ARHGEF10: variants seen among roughly 807,000 people sequenced by gnomAD.
ARHGEF10 encodes Rho guanine nucleotide exchange factor 10, also known as Rho guanine nucleotide exchange factor (GEF) 10.
In ARHGEF10, 140 loss-of-function variants were observed where a neutral mutation model predicts 147.4. The observed-to-expected ratio is 0.95, with a 90% CI of 0.83 to 1.09. The LOEUF (loss-of-function observed/expected upper bound fraction) is 1.09, where lower values mean the gene tolerates loss of function less well. Among genes scored for constraint, ARHGEF10 ranks in the 50% least tolerant of loss-of-function variants. The probability of loss-of-function intolerance (pLI) is 0.00; values close to 1 mark genes in which losing one functional copy is unlikely to be tolerated. For missense variants in ARHGEF10, 2,222 were observed against 1,752.7 expected (o/e 1.27, Z -4.78); for synonymous variants, 902 against 695.8 (o/e 1.30, Z -4.67).
intron 1 of ARHGEF10, among the ~76,000 whole-genome samples, chr8:1,832,337 G>C (rs1399504073): frequency 6.6e-6 from 1 of 151,368 alleles, no homozygotes; most frequent in African/African-American, 2.4e-5. Flanking sequence ...CAGAGACAGA[G>C]GGAGAGAGAG....
At chr8:1,920,276 G>C (rs1382383735) in intron 18 of ARHGEF10, among the ~76,000 whole-genome samples, 1 of 152,222 alleles carries the variant, frequency 6.6e-6, no homozygotes, top group African/African-American at 2.4e-5. Context: ...TTTAAAAGAA[G>C]TCAACTAATT....
At chr8:1,943,997 C>T (rs948213260) in intron 26 of ARHGEF10, 1 of 151,464 alleles carries the variant, frequency 6.6e-6, no homozygotes, top group Non-Finnish European at 1.5e-5. Flanking sequence ...GCTCAAGACC[C>T]ACAGTGATGG....
intron 2 of ARHGEF10, among the ~76,000 whole-genome samples, chr8:1,850,583 C>T (rs1357396670): frequency 6.6e-6 from 1 of 151,120 alleles, no homozygotes; most frequent in Non-Finnish European, 1.5e-5. Context: ...TGAGGAGGGC[C>T]GGGTGCTGGC....
Position 1,824,043 on chromosome 8 carries a change from G to T in ARHGEF10, c.-118G>T, listed in dbSNP as rs1802584228. On this transcript the variant is annotated 5_prime_UTR_variant, in exon 1 of 29. Coordinates refer to ENST00000349830, the MANE Select transcript of ARHGEF10 (RefSeq NM_014629.4). ...CGGCGGGGGACGGCGGGGAACAGCG[G>T]GGGACGGCGGGGAACAGCGGGGGAC... The T allele has an allele frequency of 6.8e-6, 1 of 147,990 alleles. No homozygotes were observed. The highest frequency in any genetic ancestry group is 2.5e-5 in the African/African-American group (1 of 40,478). 9.2% of individuals were successfully genotyped at this position (147,990 alleles called of 1,614,324 possible).
intron 1 of ARHGEF10, among the ~76,000 whole-genome samples, chr8:1,842,216 C>T (rs1804150594): frequency 6.6e-6 from 1 of 151,808 alleles, no homozygotes; most frequent in Non-Finnish European, 1.5e-5. Flanking sequence ...GGCAGAAGGG[C>T]GGGCACTGGG....
chr8:1,945,006 T>G (rs1585638221), intron 26 of ARHGEF10, among the ~76,000 whole-genome samples: 1 of 152,224 alleles, frequency 6.6e-6, no homozygotes, highest in South Asian at 2.1e-4. Context: ...AAGGACCAAG[T>G]TGCTTGGAGA....
intron 5 of ARHGEF10, among the ~76,000 whole-genome samples, chr8:1,865,071 A>T (rs531859106): frequency 2.0e-5 from 3 of 152,384 alleles, no homozygotes; most frequent in Non-Finnish European, 2.9e-5. Context: ...TCAAACATAG[A>T]AATAGTTATG....
chr8:1,842,027 G>GTCC (rs1804123650), intron 1 of ARHGEF10, among the ~76,000 whole-genome samples: 2 of 115,886 alleles, frequency 1.7e-5, no homozygotes, highest in Non-Finnish European at 3.6e-5. Context: ...CGGGAACTGG[G>GTCC]GCCGCGGCGG....
chr8:1,872,990 C>G (rs773454691), intron 7 of ARHGEF10, among the ~76,000 whole-genome samples: 18 of 152,190 alleles, frequency 1.2e-4, no homozygotes, highest in Non-Finnish European at 2.6e-4. Context: ...TTTATCCGGT[C>G]GCTTCGGGCA....
chr8:1,906,751 C>T (rs17064354), intron 17 of ARHGEF10, among the ~76,000 whole-genome samples: 5,920 of 152,248 alleles, frequency 0.039, 373 homozygotes, highest in African/African-American at 0.13. Context: ...GCCAGTGGTA[C>T]GCTCTTGCGG....
At chr8:1,907,172 A>G (rs1378778246) in intron 17 of ARHGEF10, among the ~76,000 whole-genome samples, 1 of 152,176 alleles carries the variant, frequency 6.6e-6, no homozygotes, top group African/African-American at 2.4e-5. Flanking sequence ...AGGTGTCTCC[A>G]CCCGTTTCCC....
chr8:1,906,713 G>A (rs1810922587), intron 17 of ARHGEF10, among the ~76,000 whole-genome samples: 1 of 152,134 alleles, frequency 6.6e-6, no homozygotes, highest in African/African-American at 2.4e-5. Context: ...CTCCTCATCC[G>A]TGCAATAGGG....
chr8:1,847,938 C>T (rs749255370), intron 2 of ARHGEF10, among the ~76,000 whole-genome samples: 20 of 152,130 alleles, frequency 1.3e-4, no homozygotes, highest in African/African-American at 4.6e-4. Context: ...GTGTGTTAAT[C>T]GTTGCATGTC....
rs370750204 is a variant in ARHGEF10, at chr8:1,896,370, A to G, written c.1478A>G (p.Tyr493Cys). The G allele has an allele frequency of 2.5e-6, 4 of 1,613,952 alleles. No homozygotes were observed. The highest frequency in any genetic ancestry group is 2.7e-5 in the African/African-American group (2 of 74,914). Residue 493 changes from tyrosine to cysteine, a missense_variant, in exon 14 of 29, where the codon TAT (tyrosine) becomes TGT (cysteine). Physicochemically the swap from Tyr to Cys is radical, Grantham distance 194. Coordinates refer to ENST00000349830, the MANE Select transcript of ARHGEF10 (RefSeq NM_014629.4). ...KSMVLDAYSE[Y>C]VNNFSTAVAV... ...ATGGTGCTGGATGCATACAGTGAAT[A>G]TGTGAACAATTTCAGCACAGCCGTG...
chr8:1,929,829 G>T (rs935581313), intron 25 of ARHGEF10, among the ~76,000 whole-genome samples: 91 of 151,788 alleles, frequency 6.0e-4, no homozygotes, highest in Non-Finnish European at 1.0e-3. Flanking sequence ...CCCCGGTGCT[G>T]TGCCCTCGGT....
At position 1,937,980 on chromosome 8, in the gene ARHGEF10, G is replaced by T. The variant is rs1813756813; in HGVS notation, c.3222+4038G>T. Among the ~76,000 whole-genome samples, 1 of 152,182 alleles carries T rather than the reference G, an allele frequency of 6.6e-6. No individual in the cohort carries two copies. Among genetic ancestry groups the T allele is most frequent in the Non-Finnish European group, 1.5e-5 (1 of 68,034 alleles). ...CCAGCTCTGGCGCCATAACAAAGCA[G>T]CACTGGGCGAACCAGTAGAGACGCT... On this transcript the variant is annotated intron_variant, in intron 26 of 28. Coordinates refer to ENST00000349830, the MANE Select transcript of ARHGEF10 (RefSeq NM_014629.4). The surrounding 1 kb of genome is among the most constrained non-coding windows in gnomAD (Gnocchi z 4.9).
At chr8:1,919,734 C>T (rs1453579264) in intron 18 of ARHGEF10, among the ~76,000 whole-genome samples, 1 of 146,336 alleles carries the variant, frequency 6.8e-6, no homozygotes, top group Non-Finnish European at 1.5e-5. Flanking sequence ...TGGAGCTGTT[C>T]TGTGGGTGAT....
At chr8:1,918,588 A>G (rs574853736) in intron 18 of ARHGEF10, among the ~76,000 whole-genome samples, 1 of 152,350 alleles carries the variant, frequency 6.6e-6, no homozygotes. Flanking sequence ...AAATATGTAT[A>G]CATTGTGGAA....
chr8:1,831,994 G>T (rs1230650813), intron 1 of ARHGEF10, among the ~76,000 whole-genome samples: 1 of 152,186 alleles, frequency 6.6e-6, no homozygotes, highest in Non-Finnish European at 1.5e-5. Flanking sequence ...GAGCCTGTGG[G>T]TGTGGCCGCT....
Sources: allele counts gnomAD v4.1 joint callset (sites outside exome capture counted in the v4.1 genomes callset), GRCh38; gene constraint gnomAD v4.1.1; non-coding constraint Gnocchi (gnomAD v3.1); transcripts MANE v1.5; gene names NCBI Gene and HGNC (gene_info 2026-07-23, HGNC 2026-07-21).